Variants in CCNH observed in about 807,000 individuals in gnomAD.
CCNH encodes cyclin-H.
A neutral mutation model predicts 41.9 loss-of-function variants in CCNH; 31 were observed. That is an observed-to-expected ratio of 0.74 (90% CI 0.56 to 1.00). CCNH has a LOEUF of 1.00. CCNH is among the 50% of genes least tolerant of loss of function. The probability of loss-of-function intolerance (pLI) is 0.00; values close to 1 mark genes in which losing one functional copy is unlikely to be tolerated. For missense variants in CCNH, 362 were observed against 388.4 expected, an observed-to-expected ratio of 0.93 and a Z score of 0.57; for synonymous variants, 138 against 136.1, an observed-to-expected ratio of 1.01 and a Z score of -0.10.
chr5:87,332,442 A>G (rs1757670628), intron 9 of CCNH: 3 of 1,475,608 alleles, frequency 2.0e-6, no homozygotes, highest in East Asian at 4.6e-5. Context: ...ATTTCTTTAT[A>G]AAACTTGATT....
chr5:87,322,248 C>T (rs1035029285), intron 9 of CCNH, among the ~76,000 whole-genome samples: 1 of 152,164 alleles, frequency 6.6e-6, no homozygotes, highest in African/African-American at 2.4e-5. Flanking sequence ...GTGTGAGCCA[C>T]AGGCAAGCGA....
chr5:87,322,822 A>T (rs1341762690), intron 9 of CCNH, among the ~76,000 whole-genome samples: 1 of 152,228 alleles, frequency 6.6e-6, no homozygotes, highest in African/African-American at 2.4e-5. Context: ...TACATAAATA[A>T]AATAACACCA....
downstream of CCNH, chr5:87,393,799 A>AAAT (rs1762698193): frequency 6.6e-6 from 1 of 152,148 alleles, no homozygotes; most frequent in African/African-American, 2.4e-5. Context: ...CATCAAAACA[A>AAAT]AATTAAAAAA....
chr5:87,342,152 G>C (rs1561295308), intron 9 of CCNH, among the ~76,000 whole-genome samples: 1 of 147,904 alleles, frequency 6.8e-6, no homozygotes, highest in African/African-American at 2.5e-5. Flanking sequence ...ATTCTTTTTT[G>C]TTATTTTTTC....
intron 9 of CCNH, among the ~76,000 whole-genome samples, chr5:87,343,772 A>G (rs1415784622): frequency 2.0e-5 from 3 of 152,224 alleles, no homozygotes; most frequent in Admixed American, 6.5e-5. Context: ...CTGCACTCCT[A>G]TGTTTCAGCA....
At chr5:87,406,706 G>A (rs1763817066) in intron 4 of CCNH, among the ~76,000 whole-genome samples, 1 of 151,754 alleles carries the variant, frequency 6.6e-6, no homozygotes, top group Non-Finnish European at 1.5e-5. Context: ...TACTCATCCT[G>A]TATCTCTGAA....
chr5:87,323,714 A>G lies in CCNH; in HGVS notation c.*91-4817T>C, dbSNP rs191551095. On this transcript the variant is annotated intron_variant and NMD_transcript_variant, in intron 9 of 9. Transcript: ENST00000645953. Reference sequence around the variant, plus strand: ...TGGCTATATATCTTTTGATAAGTCAATTCTTTTTTTTTTTGCCTGTGCTTT... The same window carrying G: ...TGGCTATATATCTTTTGATAAGTCAGTTCTTTTTTTTTTTGCCTGTGCTTT... Among the ~76,000 whole-genome samples the G allele has an allele frequency of 2.6e-3, 392 of 151,460 alleles. 1 individual carries two copies. The highest frequency in any genetic ancestry group is 8.9e-3 in the African/African-American group (368 of 41,254).
chr5:87,321,679 C>T (rs562487819), intron 9 of CCNH, among the ~76,000 whole-genome samples: 9 of 152,246 alleles, frequency 5.9e-5, no homozygotes, highest in Non-Finnish European at 1.0e-4. Context: ...GCCTCTGTTT[C>T]CGTGGAGTTA....
At chr5:87,371,146 T>C (rs1037079968) in intron 9 of CCNH, among the ~76,000 whole-genome samples, 4 of 152,148 alleles carry the variant, frequency 2.6e-5, no homozygotes, top group African/African-American at 9.7e-5. Context: ...CATAATGACA[T>C]TTCAGCATGT....
At chr5:87,375,003 T>G (rs1447301126), downstream of CCNH, 32 of 1,479,024 alleles carry the variant, frequency 2.2e-5, no homozygotes, top group Non-Finnish European at 2.6e-5. Context: ...AAATAGAAAT[T>G]AAAAAAACAG....
chr5:87,409,286 TCA>T lies in CCNH; in HGVS notation c.314+2_314+3del. 1 of 1,475,724 alleles carries T rather than the reference TCA, an allele frequency of 6.8e-7. No homozygotes were observed. Among genetic ancestry groups the T allele is most frequent in the Non-Finnish European group, 9.4e-7 (1 of 1,059,822 alleles). 91.4% of individuals were successfully genotyped at this position (1,475,724 alleles called of 1,614,324 possible). ...AAAACAATATATTAGACAGACATAC[TCA>T]CATTATTATCCTGGGGTGATATTCC... On this transcript the variant is annotated splice_donor_variant and splice_donor_region_variant and intron_variant, in intron 3 of 8. Coordinates refer to ENST00000256897, the MANE Select transcript of CCNH (RefSeq NM_001239.4). LOFTEE classifies it high-confidence loss of function.
intron 9 of CCNH, chr5:87,366,337 G>A (rs1760515315): frequency 2.4e-6 from 1 of 411,336 alleles, no homozygotes; most frequent in Non-Finnish European, 5.0e-6. Context: ...TTTTGATATA[G>A]TTTATATGAA....
At chr5:87,327,807 A>T (rs999711837) in intron 9 of CCNH, among the ~76,000 whole-genome samples, 5 of 152,118 alleles carry the variant, frequency 3.3e-5, no homozygotes, top group African/African-American at 9.7e-5. Flanking sequence ...TCTACTAAAA[A>T]TACAAAAGTT....
chr5:87,372,021 GA>G (rs1760983868), downstream of CCNH: 16 of 971,970 alleles, frequency 1.6e-5, no homozygotes, highest in East Asian at 4.2e-4. Context: ...TCTAGAGAAG[GA>G]AAAAATTGTT....
chr5:87,326,834 T>A (rs940640998), intron 9 of CCNH, among the ~76,000 whole-genome samples: 1 of 152,204 alleles, frequency 6.6e-6, no homozygotes, highest in African/African-American at 2.4e-5. Flanking sequence ...AAAAGAGTTT[T>A]GAGAAAATTT....
chr5:87,345,315 A>G (rs1048361371), intron 9 of CCNH, among the ~76,000 whole-genome samples: 2 of 152,168 alleles, frequency 1.3e-5, no homozygotes, highest in Non-Finnish European at 2.9e-5. Flanking sequence ...ATGCTAAATA[A>G]TCTTGTTCAT....
At chr5:87,375,363 C>A (rs1381019819), downstream of CCNH, among the ~76,000 whole-genome samples, 1 of 151,736 alleles carries the variant, frequency 6.6e-6, no homozygotes, top group Non-Finnish European at 1.5e-5. Context: ...CAGGTTCAAG[C>A]AATTCTCCTG....
intron 5 of CCNH, among the ~76,000 whole-genome samples, chr5:87,403,035 GA>G (rs1763531513): frequency 6.6e-6 from 1 of 152,154 alleles, no homozygotes; most frequent in Non-Finnish European, 1.5e-5. Context: ...CTGCAAGAAA[GA>G]GAAGAAAATC....
rs550614656 is a variant in CCNH, at chr5:87,400,531, T to A, written c.761-1026A>T. Among the ~76,000 whole-genome samples, 4 of 152,294 alleles carry A rather than the reference T, an allele frequency of 2.6e-5. No homozygotes were observed. In the South Asian group the frequency reaches 6.2e-4, roughly 24 times the overall value. ...TTTTAAAGTGTACCCCCTAGTGGTATAACTAAAGACCTACAGTTTATAATT... is the reference window on the plus strand; with the variant it reads ...TTTTAAAGTGTACCCCCTAGTGGTAAAACTAAAGACCTACAGTTTATAATT... On this transcript the variant is annotated intron_variant, in intron 6 of 8. Coordinates refer to ENST00000256897, the MANE Select transcript of CCNH (RefSeq NM_001239.4).
Sources: gnomAD v4.1 joint callset for allele counts (sites outside exome capture counted in the v4.1 genomes callset) on GRCh38, gnomAD v4.1.1 for gene constraint, MANE v1.5 for transcripts, NCBI Gene and HGNC (gene_info 2026-07-23, HGNC 2026-07-21) for gene names.